The following UGT1A8 variants were observed in gnomAD, a reference collection of about 807,000 sequenced individuals.
UGT1A8 encodes UDP glucuronosyltransferase family 1 member A8.
In UGT1A8, 39 loss-of-function variants were observed where a neutral mutation model predicts 45.3. The observed-to-expected ratio is 0.86, with a 90% CI of 0.67 to 1.12. The LOEUF (loss-of-function observed/expected upper bound fraction) is 1.12. Among genes scored for constraint, UGT1A8 ranks in the 50% most tolerant of loss-of-function variants. UGT1A8 has a pLI of 0.00. For synonymous variants in UGT1A8, 275 were observed against 249.2 expected, an observed-to-expected ratio of 1.10 and a Z score of -0.97; for missense variants, 719 against 664.9, an observed-to-expected ratio of 1.08 and a Z score of -0.90.
chr2:233,745,629 A>T (rs1334214032), intron 1 of UGT1A8, among the ~76,000 whole-genome samples: 1 of 151,506 alleles, frequency 6.6e-6, no homozygotes, highest in East Asian at 1.9e-4. Context: ...ACAGTCATAG[A>T]AAGCTGGCCG....
intron 1 of UGT1A8, chr2:233,743,331 T>G (rs1692262646): frequency 1.3e-6 from 1 of 770,826 alleles, no homozygotes; most frequent in South Asian, 1.4e-5. Context: ...CATCAACTAT[T>G]TCAGTGGAAG....
At chr2:233,672,423 C>A in intron 1 of UGT1A8, 1 of 1,613,994 alleles carries the variant, frequency 6.2e-7, no homozygotes, top group Non-Finnish European at 8.5e-7. Context: ...ATTTCTCCCT[C>A]CCCTCCGTGG....
rs1182689801 is a variant in UGT1A8, at chr2:233,724,261, G to A, written c.856-42773G>A. Among the ~76,000 whole-genome samples, 54 of 98,670 alleles carry A rather than the reference G, an allele frequency of 5.5e-4. 1 individual carries two copies. The highest frequency in any genetic ancestry group is 1.1e-3 in the East Asian group (3 of 2,618). The allele number at this position is 98,670 out of a possible 152,430, so 64.7% of individuals were successfully genotyped here. Reference sequence around the variant, plus strand: ...CGGGCAGAGGCGCCCCTCACCTCCCGGACGGGGCGGCTGGCCGGGCGGGGG... The same window carrying A: ...CGGGCAGAGGCGCCCCTCACCTCCCAGACGGGGCGGCTGGCCGGGCGGGGG... On this transcript the variant is annotated intron_variant, in intron 1 of 4. Coordinates refer to ENST00000373450, the MANE Select transcript of UGT1A8 (RefSeq NM_019076.5).
intron 1 of UGT1A8, among the ~76,000 whole-genome samples, chr2:233,724,483 C>A (rs1180664629): frequency 6.5e-4 from 44 of 68,188 alleles, no homozygotes; most frequent in South Asian, 1.6e-3. Flanking sequence ...ACTTCTCAGA[C>A]GGGGCGGCCG....
At chr2:233,768,582 CTTTT>C (rs139595073) in intron 4 of UGT1A8, 143 bp downstream of exon 4, 9,680 of 1,016,394 alleles carry the variant, frequency 9.5e-3, no homozygotes, top group East Asian at 0.022. Flanking sequence ...TTTATTTCTT[CTTTT>C]TTTTTTTTTT....
At chr2:233,643,716 G>C (rs926333796) in intron 1 of UGT1A8, among the ~76,000 whole-genome samples, 1 of 152,158 alleles carries the variant, frequency 6.6e-6, no homozygotes, top group Admixed American at 6.5e-5. Flanking sequence ...GTAGTACGAG[G>C]TTTCACTGCT....
intron 1 of UGT1A8, among the ~76,000 whole-genome samples, chr2:233,749,893 C>G (rs141027223): frequency 8.5e-5 from 13 of 152,056 alleles, no homozygotes; most frequent in East Asian, 5.8e-4. Context: ...GAGGCTCCCC[C>G]CTCCAGCCAC....
chr2:233,729,786 G>C, intron 1 of UGT1A8: 4 of 1,613,972 alleles, frequency 2.5e-6, no homozygotes, highest in Non-Finnish European at 3.4e-6. Context: ...CTCTGGCCCT[G>C]TCCTACATTT....
At chr2:233,628,861 A>G (rs1481364455) in intron 1 of UGT1A8, among the ~76,000 whole-genome samples, 2 of 152,100 alleles carry the variant, frequency 1.3e-5, no homozygotes, top group Non-Finnish European at 1.5e-5. Context: ...TTCCATACCT[A>G]TTGAGATAAT....
intron 1 of UGT1A8, chr2:233,743,684 G>A (rs753997745): frequency 1.5e-6 from 2 of 1,367,252 alleles, no homozygotes; most frequent in Non-Finnish European, 2.0e-6. Context: ...CCTGCCGCCT[G>A]TGCAGCCGCC....
At chr2:233,620,250 C>T (rs765447842) in intron 1 of UGT1A8, among the ~76,000 whole-genome samples, 7 of 152,156 alleles carry the variant, frequency 4.6e-5, no homozygotes, top group South Asian at 4.1e-4. Flanking sequence ...TTTCAGCTCA[C>T]GGCAAGATCA....
chr2:233,662,876 C>T (rs1183247844), intron 1 of UGT1A8, among the ~76,000 whole-genome samples: 2 of 149,514 alleles, frequency 1.3e-5, no homozygotes, highest in East Asian at 4.0e-4. Context: ...TTTTCTGTAA[C>T]TATTAAGATT....
intron 1 of UGT1A8, among the ~76,000 whole-genome samples, chr2:233,689,485 C>A (rs78706067): frequency 0.049 from 7,432 of 152,218 alleles, 277 homozygotes; most frequent in African/African-American, 0.097. Flanking sequence ...AAGAAGAAAT[C>A]GCAAATCAAT....
chr2:233,672,335 T>C (rs1414612580), intron 1 of UGT1A8: 2 of 1,614,170 alleles, frequency 1.2e-6, no homozygotes, highest in Admixed American at 3.3e-5. Context: ...AAAAAATTAG[T>C]AGAATACTTA....
chr2:233,638,981 C>T (rs2073377551), intron 1 of UGT1A8, among the ~76,000 whole-genome samples: 1 of 152,194 alleles, frequency 6.6e-6, no homozygotes, highest in African/African-American at 2.4e-5. Flanking sequence ...CAGTACCAAG[C>T]ACCACCCATG....
chr2:233,763,859 A>G (rs1418944768), intron 1 of UGT1A8, among the ~76,000 whole-genome samples: 1 of 152,176 alleles, frequency 6.6e-6, no homozygotes, highest in Non-Finnish European at 1.5e-5. Context: ...GTTCACAGAC[A>G]ATCGCAATGC....
At chr2:233,708,644 G>C (rs970833084) in intron 1 of UGT1A8, 1 of 152,176 alleles carries the variant, frequency 6.6e-6, no homozygotes, top group Non-Finnish European at 1.5e-5. Flanking sequence ...CTAACTACTC[G>C]GAAGGCTGAG....
At chr2:233,725,591 T>G (rs1479177749) in intron 1 of UGT1A8, among the ~76,000 whole-genome samples, 1 of 152,130 alleles carries the variant, frequency 6.6e-6, no homozygotes, top group Non-Finnish European at 1.5e-5. Context: ...ACTTAACTAT[T>G]TGACATAGTT....
Position 233,766,627 on chromosome 2 carries a change from T to G in UGT1A8, c.856-407T>G, listed in dbSNP as rs28900401. On this transcript the variant is annotated intron_variant, in intron 1 of 4. Transcript: ENST00000373450. ...CACCCTCTTCTACCCAGCACTTCCC[T>G]TCCCTACTTCCATATCATTTAAAGG... 9.6e-3 allele frequency among the ~76,000 whole-genome samples: 1,465 copies of G among 152,310 alleles called. 33 individuals are homozygous for G. The highest frequency in any genetic ancestry group is 0.033 in the African/African-American group (1,374 of 41,578).
Sources: allele counts gnomAD v4.1 joint callset (sites outside exome capture counted in the v4.1 genomes callset), GRCh38; gene constraint gnomAD v4.1.1; transcripts MANE v1.5; gene names NCBI Gene and HGNC (gene_info 2026-07-23, HGNC 2026-07-21).